The following PARD3 variants were observed in gnomAD, a reference collection of about 807,000 sequenced individuals.
PARD3 encodes the protein partitioning defective 3 homolog.
A neutral mutation model predicts 155.4 loss-of-function variants in PARD3; 75 were observed. The observed-to-expected ratio is 0.48, with a 90% CI of 0.40 to 0.58. The LOEUF is 0.58. Ranked by LOEUF, PARD3 falls within the 20% of genes least tolerant of loss-of-function variation. PARD3 has a pLI of 0.00. For synonymous variants in PARD3, 576 were observed against 610.5 expected (o/e 0.94, Z 0.83); for missense variants, 1,642 against 1,721.7 (o/e 0.95, Z 0.82).
chr10:34,763,855 T>C (rs1262550889), intron 1 of PARD3, among the ~76,000 whole-genome samples: 1 of 152,214 alleles, frequency 6.6e-6, no homozygotes, highest in African/African-American at 2.4e-5. Context: ...AATACTATAA[T>C]AATTTTTAGG....
intron 3 of PARD3, among the ~76,000 whole-genome samples, chr10:34,490,359 G>C (rs973473168): frequency 6.6e-6 from 1 of 152,092 alleles, no homozygotes; most frequent in African/African-American, 2.4e-5. Context: ...AGAAGAAATG[G>C]GGAGTGGTAC....
intron 5 of PARD3, among the ~76,000 whole-genome samples, chr10:34,447,184 C>T (rs1439672464): frequency 6.6e-6 from 1 of 151,954 alleles, no homozygotes; most frequent in Non-Finnish European, 1.5e-5. Context: ...TGGCTGTTAT[C>T]AAAACATCAA....
At chr10:34,192,212 C>T (rs1205358911) in intron 22 of PARD3, among the ~76,000 whole-genome samples, 3 of 152,168 alleles carry the variant, frequency 2.0e-5, no homozygotes, top group Non-Finnish European at 4.4e-5. Context: ...GGACTACAGG[C>T]ATATGTCACC....
At chr10:34,410,279 A>C (rs1844914286) in intron 5 of PARD3, among the ~76,000 whole-genome samples, 1 of 151,306 alleles carries the variant, frequency 6.6e-6, no homozygotes, top group Non-Finnish European at 1.5e-5. Flanking sequence ...TTTTCCTCTT[A>C]CCTTTGGTGT....
chr10:34,195,456 T>C (rs756952333), intron 22 of PARD3, among the ~76,000 whole-genome samples: 158 of 152,218 alleles, frequency 1.0e-3, no homozygotes, highest in South Asian at 1.4e-3. Flanking sequence ...AAACGAGTAG[T>C]AACTGACAAC....
intron 14 of PARD3, among the ~76,000 whole-genome samples, chr10:34,349,118 G>A (rs1411358569): frequency 6.6e-6 from 1 of 152,186 alleles, no homozygotes; most frequent in Non-Finnish European, 1.5e-5. Flanking sequence ...GGAGTGGGCA[G>A]GAGGGCAGCA....
chr10:34,719,587 A>G (rs926394075), intron 1 of PARD3, among the ~76,000 whole-genome samples: 1 of 152,174 alleles, frequency 6.6e-6, no homozygotes, highest in Admixed American at 6.5e-5. Flanking sequence ...TATGCATGCA[A>G]GAGAAACCAC....
chr10:34,130,959 C>A (rs772390815), intron 23 of PARD3, among the ~76,000 whole-genome samples: 2 of 152,110 alleles, frequency 1.3e-5, no homozygotes, highest in Admixed American at 1.3e-4. Context: ...ACTCTGGTGG[C>A]TGAGGTAGGA....
chr10:34,634,304 A>G (rs1481370341), intron 2 of PARD3, among the ~76,000 whole-genome samples: 9 of 152,230 alleles, frequency 5.9e-5, no homozygotes, highest in Admixed American at 1.3e-4. Flanking sequence ...ATATACTGGC[A>G]GAACAGTACG....
chr10:34,270,842 T>A (rs770566006), intron 21 of PARD3, among the ~76,000 whole-genome samples: 1 of 152,176 alleles, frequency 6.6e-6, no homozygotes, highest in Non-Finnish European at 1.5e-5. Flanking sequence ...ACATTACAAC[T>A]AAGAAACAAA....
chr10:34,597,579 C>T (rs2089401919), intron 2 of PARD3, among the ~76,000 whole-genome samples: 1 of 152,258 alleles, frequency 6.6e-6, no homozygotes, highest in Middle Eastern at 3.4e-3. Context: ...CAGGCGTAAG[C>T]CACCACATCC....
At chr10:34,403,607 G>GTGCTTTGTGGATGGTGGAGCTC (rs1844131536) in intron 5 of PARD3, among the ~76,000 whole-genome samples, 1 of 152,216 alleles carries the variant, frequency 6.6e-6, no homozygotes, top group African/African-American at 2.4e-5. Context: ...GCTGTGCTCT[G>GTGCTTTGTGGATGGTGGAGCTC]TGCTTTGTGG....
chr10:34,621,953 T>C (rs1590268221), intron 2 of PARD3, among the ~76,000 whole-genome samples: 1 of 152,250 alleles, frequency 6.6e-6, no homozygotes, highest in Admixed American at 6.5e-5. Flanking sequence ...AAAAGAGTTA[T>C]CAATCAATAC....
At chr10:34,650,836 A>G (rs2092988202) in intron 2 of PARD3, among the ~76,000 whole-genome samples, 1 of 151,972 alleles carries the variant, frequency 6.6e-6, no homozygotes, top group Non-Finnish European at 1.5e-5. Flanking sequence ...ACATGGAGAA[A>G]TCTCGTCCCT....
At chr10:34,340,909 G>A (rs1343867525) in intron 16 of PARD3, among the ~76,000 whole-genome samples, 1 of 151,908 alleles carries the variant, frequency 6.6e-6, no homozygotes, top group African/African-American at 2.4e-5. Flanking sequence ...GAAAATTCTG[G>A]TACAATACTT....
intron 5 of PARD3, among the ~76,000 whole-genome samples, chr10:34,445,533 G>A (rs930376606): frequency 6.6e-6 from 1 of 152,106 alleles, no homozygotes; most frequent in African/African-American, 2.4e-5. Context: ...AGTCCACATA[G>A]ACAACTAACT....
At chr10:34,364,263 A>C (rs1220198800) in intron 12 of PARD3, among the ~76,000 whole-genome samples, 1 of 152,212 alleles carries the variant, frequency 6.6e-6, no homozygotes, top group African/African-American at 2.4e-5. Context: ...AAGAGAGGCA[A>C]AAGAAACATG....
At chr10:34,519,066 T>C (rs1013754346) in intron 2 of PARD3, among the ~76,000 whole-genome samples, 24 of 152,058 alleles carry the variant, frequency 1.6e-4, no homozygotes, top group African/African-American at 5.8e-4. Flanking sequence ...CAAACCCAAA[T>C]TGAGGGATAT....
At chr10:34,652,402 T>G (rs1447706760) in intron 2 of PARD3, among the ~76,000 whole-genome samples, 4 of 152,192 alleles carry the variant, frequency 2.6e-5, no homozygotes, top group African/African-American at 9.7e-5. Context: ...CTTACTTTCT[T>G]AGGCAAGTCA....
Sources: allele counts gnomAD v4.1 joint callset (sites outside exome capture counted in the v4.1 genomes callset), GRCh38; gene constraint gnomAD v4.1.1; transcripts MANE v1.5; gene names NCBI Gene and HGNC (gene_info 2026-07-23, HGNC 2026-07-21).